The following WDR7 variants were observed in gnomAD, a reference collection of about 807,000 sequenced individuals.
The protein encoded by WDR7 is WD repeat-containing protein 7.
A neutral mutation model predicts 169.4 loss-of-function variants in WDR7; 46 were observed. The observed-to-expected ratio is 0.27, with a 90% confidence interval of 0.21 to 0.35. The LOEUF (loss-of-function observed/expected upper bound fraction) is 0.35, where lower values mean the gene tolerates loss of function less well. Ranked by LOEUF, WDR7 falls within the 10% of genes least tolerant of loss-of-function variation. The pLI, the probability that WDR7 is intolerant of heterozygous loss-of-function variation, is 1.00. For missense variants in WDR7, 1,534 were observed against 1,859.3 expected (o/e 0.83, Z 3.22); for synonymous variants, 612 against 666.8 (o/e 0.92, Z 1.27).
At chr18:57,012,858 C>G (rs1287305005) in intron 26 of WDR7, among the ~76,000 whole-genome samples, 1 of 152,168 alleles carries the variant, frequency 6.6e-6, no homozygotes, top group African/African-American at 2.4e-5. Context: ...CTCCCTGTGC[C>G]TCGGTCCCCT....
chr18:56,905,974 A>G (rs1341835883), intron 21 of WDR7, among the ~76,000 whole-genome samples: 2 of 152,162 alleles, frequency 1.3e-5, no homozygotes, highest in African/African-American at 4.8e-5. Context: ...TGATGAAAGG[A>G]AATTCTTCTT....
intron 1 of WDR7, among the ~76,000 whole-genome samples, chr18:56,667,130 G>A (rs757333681): frequency 4.6e-5 from 7 of 151,994 alleles, no homozygotes; most frequent in Admixed American, 2.6e-4. Context: ...CCTCTTTAGC[G>A]TCATTGCACT....
chr18:56,836,543 C>G (rs564834991), intron 20 of WDR7, among the ~76,000 whole-genome samples: 2 of 152,224 alleles, frequency 1.3e-5, no homozygotes, highest in Non-Finnish European at 1.5e-5. Flanking sequence ...TATTGTATAT[C>G]AGTCAACCCT....
chr18:56,766,864 T>C (rs1266086189), intron 16 of WDR7, among the ~76,000 whole-genome samples: 1 of 152,260 alleles, frequency 6.6e-6, no homozygotes, highest in Non-Finnish European at 1.5e-5. Context: ...CTGTCAGTTC[T>C]GGGTTGGTTT....
intron 20 of WDR7, among the ~76,000 whole-genome samples, chr18:56,852,208 A>G (rs2045650853): frequency 6.6e-6 from 1 of 152,212 alleles, no homozygotes; most frequent in Non-Finnish European, 1.5e-5. Context: ...ATTCAGACAG[A>G]TATCTCAGTA....
intron 26 of WDR7, among the ~76,000 whole-genome samples, chr18:56,999,862 A>G (rs150837191): frequency 2.0e-5 from 3 of 152,222 alleles, no homozygotes; most frequent in African/African-American, 7.2e-5. Flanking sequence ...GGACCACCCA[A>G]GGCCTTGTCA....
intron 21 of WDR7, among the ~76,000 whole-genome samples, chr18:56,908,579 C>G (rs1265943081): frequency 2.6e-5 from 4 of 152,150 alleles, no homozygotes; most frequent in Admixed American, 2.0e-4. Context: ...CAGAGGCTGT[C>G]AAGTCAGGTC....
intron 26 of WDR7, among the ~76,000 whole-genome samples, chr18:56,976,235 AAAT>A (rs1243293743): frequency 2.6e-5 from 4 of 152,184 alleles, no homozygotes; most frequent in Non-Finnish European, 5.9e-5. Flanking sequence ...ACAGCATGTT[AAAT>A]ATATACATTA....
chr18:56,883,512 T>G (rs558333765), intron 21 of WDR7, among the ~76,000 whole-genome samples: 2 of 152,102 alleles, frequency 1.3e-5, no homozygotes, highest in East Asian at 3.9e-4. Flanking sequence ...TTTTTGTTTT[T>G]TTTTTTTAAA....
intron 16 of WDR7, among the ~76,000 whole-genome samples, chr18:56,773,582 A>G (rs2044197285): frequency 6.6e-6 from 1 of 152,160 alleles, no homozygotes; most frequent in Non-Finnish European, 1.5e-5. Context: ...GATATGATAT[A>G]TTATACATAA....
chr18:56,800,552 A>G (rs1186275160), intron 19 of WDR7, among the ~76,000 whole-genome samples: 4 of 152,182 alleles, frequency 2.6e-5, no homozygotes, highest in Non-Finnish European at 4.4e-5. Context: ...AAATAAATAC[A>G]TATAGAAAGT....
intron 19 of WDR7, among the ~76,000 whole-genome samples, chr18:56,808,006 G>A (rs935893381): frequency 6.6e-6 from 1 of 152,150 alleles, no homozygotes; most frequent in African/African-American, 2.4e-5. Context: ...AAAGCAAAAG[G>A]TTATCTTTCT....
intron 12 of WDR7, among the ~76,000 whole-genome samples, 159 bp from the exon 13 acceptor site, chr18:56,717,805 T>G (rs2026225254): frequency 6.6e-6 from 1 of 152,248 alleles, no homozygotes; most frequent in Non-Finnish European, 1.5e-5. Flanking sequence ...GGGTTTTATG[T>G]ATAATATAAA....
chr18:56,791,417 T>A (rs1326739754), intron 19 of WDR7, among the ~76,000 whole-genome samples: 1 of 152,212 alleles, frequency 6.6e-6, no homozygotes, highest in Non-Finnish European at 1.5e-5. Flanking sequence ...TTTATATATC[T>A]TTATATCTTG....
intron 20 of WDR7, among the ~76,000 whole-genome samples, chr18:56,879,336 T>C (rs187015874): frequency 1.3e-3 from 202 of 152,324 alleles, no homozygotes; most frequent in Non-Finnish European, 1.3e-4. Context: ...AAGTGGTATC[T>C]CATTGTGGTT....
chr18:57,017,477 C>CTGTGTGTG (rs57440164), intron 26 of WDR7, among the ~76,000 whole-genome samples: 1,494 of 134,792 alleles, frequency 0.011, 18 homozygotes, highest in Non-Finnish European at 0.012. Flanking sequence ...CCAAGTCATG[C>CTGTGTGTG]TGTGTGTGTG....
At chr18:56,852,124 ACC>A (rs1568231199) in intron 20 of WDR7, among the ~76,000 whole-genome samples, 2 of 151,920 alleles carry the variant, frequency 1.3e-5, no homozygotes, top group Non-Finnish European at 2.9e-5. Flanking sequence ...TTCTTCTCCA[ACC>A]CTGTTCCCAC....
At chr18:56,854,587 G>A (rs1305452601) in intron 20 of WDR7, among the ~76,000 whole-genome samples, 1 of 152,188 alleles carries the variant, frequency 6.6e-6, no homozygotes, top group Non-Finnish European at 1.5e-5. Flanking sequence ...GACAGAAAAG[G>A]TATGCTCTAA....
intron 20 of WDR7, among the ~76,000 whole-genome samples, chr18:56,830,529 G>A (rs1355761855): frequency 3.3e-5 from 5 of 152,180 alleles, no homozygotes; most frequent in African/African-American, 1.2e-4. Context: ...GCCCAGTTCA[G>A]CGTGTCACTA....
Sources: allele counts gnomAD v4.1 joint callset (sites outside exome capture counted in the v4.1 genomes callset), GRCh38; gene constraint gnomAD v4.1.1; transcripts MANE v1.5; gene names NCBI Gene and HGNC (gene_info 2026-07-23, HGNC 2026-07-21).